DAGLA: variants seen among roughly 807,000 people sequenced by gnomAD.
The protein encoded by DAGLA is diacylglycerol lipase alpha.
In DAGLA, 22 loss-of-function variants were observed where a neutral mutation model predicts 102.6. That is an observed-to-expected ratio of 0.21 (90% CI 0.15 to 0.31). DAGLA has a LOEUF of 0.31. Among genes scored for constraint, DAGLA ranks in the 10% least tolerant of loss-of-function variants. DAGLA has a pLI of 1.00. For missense variants in DAGLA, 927 were observed against 1,446.6 expected (o/e 0.64, Z 5.83); for synonymous variants, 578 against 628.9 (o/e 0.92, Z 1.21).
intron 1 of DAGLA, among the ~76,000 whole-genome samples, chr11:61,711,936 A>G (rs2065197531): frequency 6.6e-6 from 1 of 152,236 alleles, no homozygotes. Flanking sequence ...AAAGGATTAC[A>G]TTAAAGGAGG....
At position 61,682,582 on chromosome 11, in the gene DAGLA, G is replaced by A. The variant is rs3018178; in HGVS notation, c.-45+2078G>A. On this transcript the variant is annotated intron_variant, in intron 1 of 19. Transcript: ENST00000257215. ...GAGGAAGCACTTTGCTTGGGCAGCA[G>A]ACGTGCCTCATTGCCAGGGTAGGTC... 3.3e-5 allele frequency among the ~76,000 whole-genome samples: 5 copies of A among 152,338 alleles called. No individual in the cohort carries two copies. In the East Asian group the frequency reaches 9.7e-4, roughly 29 times the overall value.
Position 61,731,416 on chromosome 11 carries a change from C to G in DAGLA, c.949C>G (p.Leu317Val), listed in dbSNP as rs2065373430. Residue 317 changes from leucine to valine, a missense_variant, in exon 9 of 20, where the codon CTC (leucine) becomes GTC (valine). This residue lies in a region of DAGLA where 44 missense variants were observed against 44.0 expected (regional missense o/e 1.00). Transcript: ENST00000257215. ...MYLMRKPACG[L>V]CQLARSCSCC... is the part of the protein sequence containing the mutation. ...CCTGATGCGGAAGCCCGCCTGCGGCCTCTGCCAACTGGCTCGGTCCTGCTC... is the reference window on the plus strand; with the variant it reads ...CCTGATGCGGAAGCCCGCCTGCGGCGTCTGCCAACTGGCTCGGTCCTGCTC... 2 of 1,613,860 alleles carry G rather than the reference C, an allele frequency of 1.2e-6. No homozygotes were observed. The highest frequency in any genetic ancestry group is 1.3e-5 in the African/African-American group (1 of 74,944).
chr11:61,713,775 G>A (rs2065213063), intron 1 of DAGLA, among the ~76,000 whole-genome samples: 1 of 152,200 alleles, frequency 6.6e-6, no homozygotes, highest in Non-Finnish European at 1.5e-5. Context: ...CCACTGGGGG[G>A]CCCAGCCTCA....
At chr11:61,711,063 T>G (rs2065191062) in intron 1 of DAGLA, among the ~76,000 whole-genome samples, 1 of 152,098 alleles carries the variant, frequency 6.6e-6, no homozygotes, top group South Asian at 2.1e-4. Flanking sequence ...AGTCGATGCC[T>G]TTGAGAGAGT....
chr11:61,680,990 C>T (rs547236912), intron 1 of DAGLA, among the ~76,000 whole-genome samples: 54 of 152,208 alleles, frequency 3.5e-4, no homozygotes, highest in Non-Finnish European at 5.9e-4. Context: ...GGTGATAGCA[C>T]TGGGGGCTTG....
intron 4 of DAGLA, 35 bp from the exon 5 acceptor site, chr11:61,723,399 C>G (rs771628088): frequency 1.9e-5 from 31 of 1,600,054 alleles, no homozygotes; most frequent in Non-Finnish European, 2.5e-5. Flanking sequence ...GTGTCCCCAG[C>G]GCCCCTACCT....
At position 61,743,654 on chromosome 11, in the gene DAGLA, G is replaced by T; in HGVS notation, c.2294G>T (p.Arg765Leu). 6.3e-7 allele frequency: 1 copy of T among 1,599,452 alleles called. No homozygotes were observed. The highest frequency in any genetic ancestry group is 8.5e-7 in the Non-Finnish European group (1 of 1,176,282). The change falls in exon 20 of 20, where the codon CGG becomes CTG. Residue 765 changes from arginine (R) to leucine (L), a missense_variant. By Grantham distance (102) the Arg-to-Leu change is moderately radical. Around this residue, in one of 4 missense-constraint regions of DAGLA, gnomAD observed 434 missense variants for 503.3 expected, o/e 0.86. Coordinates refer to ENST00000257215, the MANE Select transcript of DAGLA (RefSeq NM_006133.3). ...VELLLLSTQE[R>L]LAAELQARRA... ...CTGCTGCTGCTGTCTACCCAGGAGC[G>T]GCTGGCGGCGGAGCTGCAGGCCCGG...
intron 1 of DAGLA, among the ~76,000 whole-genome samples, chr11:61,707,179 G>A (rs1378848271): frequency 6.6e-6 from 1 of 152,256 alleles, no homozygotes; most frequent in Non-Finnish European, 1.5e-5. Flanking sequence ...GAGGGGCTGT[G>A]CCGAGCATGT....
intron 19 of DAGLA, 32 bp downstream of exon 19, chr11:61,741,381 G>A (rs780518604): frequency 1.9e-5 from 31 of 1,589,980 alleles, no homozygotes; most frequent in Non-Finnish European, 2.4e-5. Flanking sequence ...CCCCACCCCA[G>A]GGTGAGTGTG....
intron 1 of DAGLA, among the ~76,000 whole-genome samples, chr11:61,705,146 G>A (rs2065139125): frequency 1.3e-5 from 2 of 152,206 alleles, no homozygotes; most frequent in Admixed American, 1.3e-4. Flanking sequence ...CCGTTCTCAA[G>A]GCGTTCCTCT....
chr11:61,692,360 C>T (rs1291781018), intron 1 of DAGLA, among the ~76,000 whole-genome samples: 2 of 152,130 alleles, frequency 1.3e-5, no homozygotes, highest in African/African-American at 2.4e-5. Flanking sequence ...TCCTTCAGAG[C>T]AGGATTTCTG....
chr11:61,736,842 T>G (rs960532752), intron 13 of DAGLA, among the ~76,000 whole-genome samples: 1 of 152,026 alleles, frequency 6.6e-6, no homozygotes, highest in African/African-American at 2.4e-5. Flanking sequence ...AGAGATGGGG[T>G]CAGGTAACCA....
chr11:61,724,375 C>T lies in DAGLA; in HGVS notation c.548+803C>T, dbSNP rs566098900. 5.3e-5 allele frequency among the ~76,000 whole-genome samples: 8 copies of T among 152,314 alleles called. No individual in the cohort carries two copies. The South Asian group carries it at 1.7e-3, about 32-fold the overall frequency. ...ATGCCAAGCCCTTTACGCAATTCATCCATTTAATCCCTTTGTGAACCCCGG... is the reference window on the plus strand; with the variant it reads ...ATGCCAAGCCCTTTACGCAATTCATTCATTTAATCCCTTTGTGAACCCCGG... On this transcript the variant is annotated intron_variant, in intron 5 of 19. Coordinates refer to ENST00000257215, the MANE Select transcript of DAGLA (RefSeq NM_006133.3).
intron 8 of DAGLA, among the ~76,000 whole-genome samples, chr11:61,730,345 G>A (rs2065362952): frequency 6.6e-6 from 1 of 151,814 alleles, no homozygotes; most frequent in Non-Finnish European, 1.5e-5. Flanking sequence ...CCTGGCAGAG[G>A]CTGCCAGGGC....
intron 1 of DAGLA, among the ~76,000 whole-genome samples, chr11:61,689,042 G>A (rs1343038252): frequency 6.6e-6 from 1 of 152,286 alleles, no homozygotes; most frequent in African/African-American, 2.4e-5. Flanking sequence ...GGAAATTGTG[G>A]CCAGGCTACT....
intron 1 of DAGLA, among the ~76,000 whole-genome samples, chr11:61,711,803 G>A (rs998403239): frequency 6.6e-6 from 1 of 152,216 alleles, no homozygotes; most frequent in African/African-American, 2.4e-5. Context: ...GAGGCCTGGA[G>A]CACAGGCCCT....
intron 1 of DAGLA, among the ~76,000 whole-genome samples, chr11:61,719,026 G>A (rs889663588): frequency 3.9e-5 from 6 of 152,182 alleles, no homozygotes; most frequent in South Asian, 2.1e-4. Context: ...ACTGGCCCCC[G>A]GCGGGGGACA....
Position 61,694,410 on chromosome 11 carries a change from C to T in DAGLA, c.-45+13906C>T, listed in dbSNP as rs920054028. On this transcript the variant is annotated intron_variant, in intron 1 of 19. Coordinates refer to ENST00000257215, the MANE Select transcript of DAGLA (RefSeq NM_006133.3). Reference sequence around the variant, plus strand: ...GGCCACTGCTGTCCCCACAGCCAGGCTTCCATGCTGTGGCAGGAGGAAGGG... The same window carrying T: ...GGCCACTGCTGTCCCCACAGCCAGGTTTCCATGCTGTGGCAGGAGGAAGGG... Among the ~76,000 whole-genome samples, 11 of 152,222 alleles carry T rather than the reference C, an allele frequency of 7.2e-5. No individual in the cohort carries two copies. In the East Asian group the frequency reaches 2.1e-3, roughly 29 times the overall value.
At chr11:61,700,063 G>C (rs2065097319) in intron 1 of DAGLA, among the ~76,000 whole-genome samples, 1 of 152,254 alleles carries the variant, frequency 6.6e-6, no homozygotes, top group Non-Finnish European at 1.5e-5. Context: ...CGCCCGCGCA[G>C]AGCATGTGAC....
Sources: gnomAD v4.1 joint callset for allele counts (sites outside exome capture counted in the v4.1 genomes callset) on GRCh38, gnomAD v4.1.1 for gene constraint, gnomAD v4.1.1 regional missense constraint, MANE v1.5 for transcripts, NCBI Gene and HGNC (gene_info 2026-07-23, HGNC 2026-07-21) for gene names.